Variants in PICK1 observed in about 807,000 individuals in gnomAD.
PICK1 encodes PRKCA-binding protein.
A neutral mutation model predicts 48.9 loss-of-function variants in PICK1; 23 were observed. That is an observed-to-expected ratio of 0.47 (90% CI 0.34 to 0.67). The LOEUF is 0.67. Among genes scored for constraint, PICK1 ranks in the 30% least tolerant of loss-of-function variants. The pLI is 0.01. For missense variants in PICK1, 423 were observed against 557.1 expected, an observed-to-expected ratio of 0.76 and a Z score of 2.42; for synonymous variants, 217 against 228.2, an observed-to-expected ratio of 0.95 and a Z score of 0.44.
At position 38,074,817 on chromosome 22, in the gene PICK1, A is replaced by G; in HGVS notation, c.980-47A>G. The G allele has an allele frequency of 6.2e-7, 1 of 1,601,386 alleles. No homozygotes were observed. Among genetic ancestry groups the G allele is most frequent in the Admixed American group, 1.7e-5 (1 of 59,970 alleles). On this transcript the variant is annotated intron_variant, in intron 12 of 12. Coordinates refer to ENST00000356976, the MANE Select transcript of PICK1 (RefSeq NM_012407.4). This position sits in a 1 kb window ranked among gnomAD's most constrained non-coding sequence, Gnocchi z 4.5. Reference sequence around the variant, plus strand: ...GCTGGGAGAGTCTCCTCCCTGAGGCAGGCAGCCAGAGCCCACTGCAGCCTG... The same window carrying G: ...GCTGGGAGAGTCTCCTCCCTGAGGCGGGCAGCCAGAGCCCACTGCAGCCTG...
At chr22:38,068,397 TGC>T (rs1226113602) in intron 5 of PICK1, among the ~76,000 whole-genome samples, 2 of 152,198 alleles carry the variant, frequency 1.3e-5, no homozygotes, top group African/African-American at 4.8e-5. Flanking sequence ...GAGAGGGCGC[TGC>T]AGCCCCTGGT....
chr22:38,062,800 T>C (rs532027372), intron 3 of PICK1, among the ~76,000 whole-genome samples: 1 of 152,328 alleles, frequency 6.6e-6, no homozygotes, highest in East Asian at 1.9e-4. Flanking sequence ...TTTGGCTCAT[T>C]CGATTCAAGA....
In PICK1 at chr22:38,066,521, C is replaced by T. The variant is rs2085528915; in HGVS notation, c.283-1183C>T. On this transcript the variant is annotated intron_variant, in intron 4 of 12. Coordinates refer to ENST00000356976, the MANE Select transcript of PICK1 (RefSeq NM_012407.4). This position sits in a 1 kb window ranked among gnomAD's most constrained non-coding sequence, Gnocchi z 4.1. The stretch of plus-strand genomic sequence containing the variant: ...GGGTGCTGGGCAGGGATTACTCTCC[C>T]ATCTTACAGGTGTCCACAGGCGGGG... Among the ~76,000 whole-genome samples, 1 of 152,202 alleles carries T rather than the reference C, an allele frequency of 6.6e-6. No individual in the cohort carries two copies. Among genetic ancestry groups the T allele is most frequent in the Non-Finnish European group, 1.5e-5 (1 of 68,046 alleles).
At chr22:38,068,957 G>A (rs1601950387) in intron 5 of PICK1, 76 bp from the exon 6 acceptor site, 2 of 1,214,750 alleles carry the variant, frequency 1.6e-6, no homozygotes, top group East Asian at 5.0e-5. Context: ...TGCTCCCTGT[G>A]CATGGAGGTA....
chr22:38,072,656 A>C (rs1490738161), intron 9 of PICK1, 46 bp downstream of exon 9: 1 of 1,607,464 alleles, frequency 6.2e-7, no homozygotes, highest in Admixed American at 1.7e-5. Flanking sequence ...GAGGGTGGGG[A>C]GGGGAGAGTG....
intron 5 of PICK1, among the ~76,000 whole-genome samples, chr22:38,068,389 G>T (rs1450067010): frequency 1.3e-5 from 2 of 152,210 alleles, no homozygotes; most frequent in Admixed American, 1.3e-4. Context: ...GAGACCCAGA[G>T]AGGGCGCTGC....
At position 38,065,072 on chromosome 22, in the gene PICK1, G is replaced by A; in HGVS notation, c.224G>A (p.Gly75Asp). ...AAGDEITGVN[G>D]RSIKGKTKVE... is the part of the protein sequence containing the mutation. ...GGCGATGAGATCACCGGTGTCAATG[G>A]CAGGTCAATCAAAGGGAAAACTAAG... The change falls in exon 4 of 13, where the codon GGC (glycine) becomes GAC (aspartate). Residue 75 changes from glycine to aspartate, a missense_variant. This residue lies in a region of PICK1 where 279 missense variants were observed against 417.8 expected (regional missense o/e 0.67). Coordinates refer to ENST00000356976, the MANE Select transcript of PICK1 (RefSeq NM_012407.4). 1 of 1,614,118 alleles carries A rather than the reference G, an allele frequency of 6.2e-7. No homozygotes were observed.
intron 5 of PICK1, chr22:38,068,238 G>A: frequency 2.4e-6 from 1 of 416,262 alleles, no homozygotes; most frequent in Non-Finnish European, 4.9e-6. Flanking sequence ...TCAGGCATTG[G>A]GCAGAGGGTC....
At chr22:38,068,216 C>G (rs2085579939) in intron 5 of PICK1, 1 of 439,234 alleles carries the variant, frequency 2.3e-6, no homozygotes, top group Non-Finnish European at 4.6e-6. Context: ...GACTCTGGAT[C>G]TGAACTGGAC....
At chr22:38,059,541 C>T (rs1333603837) in intron 3 of PICK1, among the ~76,000 whole-genome samples, 196 bp downstream of exon 3, 4 of 152,140 alleles carry the variant, frequency 2.6e-5, no homozygotes, top group Non-Finnish European at 4.4e-5. Flanking sequence ...TTTTCCTTCT[C>T]GGCACTTATT....
At chr22:38,059,885 A>G (rs1376027572) in intron 3 of PICK1, among the ~76,000 whole-genome samples, 2 of 152,210 alleles carry the variant, frequency 1.3e-5, no homozygotes, top group African/African-American at 4.8e-5. Context: ...TTCTTGTGAG[A>G]AGTCAACAAA....
Position 38,075,026 on chromosome 22 carries a change from GGGAGGA to G in PICK1, c.1158_1163del (p.Glu387_Glu388del), listed in dbSNP as rs761247405. ...CTCAACCAGGAGGAGTTCACAGATGGGGAGGAGGAGGAGGAGGAGGAAGACACGGCA... is the reference window on the plus strand; with the variant it reads ...CTCAACCAGGAGGAGTTCACAGATGGGGAGGAGGAGGAGGAAGACACGGCA... On this transcript the variant is annotated inframe_deletion, in exon 13 of 13. Coordinates refer to ENST00000356976, the MANE Select transcript of PICK1 (RefSeq NM_012407.4). The G allele has an allele frequency of 4.3e-5, 69 of 1,612,758 alleles. No individual in the cohort carries two copies. Among genetic ancestry groups the G allele is most frequent in the East Asian group, 6.7e-5 (3 of 44,780 alleles).
chr22:38,072,652 G>C (rs1194990471), intron 9 of PICK1, 42 bp downstream of exon 9: 2 of 1,608,440 alleles, frequency 1.2e-6, no homozygotes, highest in African/African-American at 2.7e-5. Context: ...GTGTGAGGGT[G>C]GGGAGGGGAG....
At chr22:38,072,389 G>A in intron 8 of PICK1, 88 bp from the exon 9 acceptor site, 2 of 1,509,542 alleles carry the variant, frequency 1.3e-6, no homozygotes, top group South Asian at 2.4e-5. Context: ...AGCCTGCCAG[G>A]CCCCCTGCCC....
intron 4 of PICK1, among the ~76,000 whole-genome samples, chr22:38,067,226 G>A (rs1185115636): frequency 6.6e-6 from 1 of 152,102 alleles, no homozygotes; most frequent in African/African-American, 2.4e-5. Context: ...GAGTAGGAAG[G>A]GAGGGGCCTG....
At chr22:38,071,638 C>T in intron 7 of PICK1, 44 bp from the exon 8 acceptor site, 6 of 1,575,440 alleles carry the variant, frequency 3.8e-6, no homozygotes, top group Non-Finnish European at 5.2e-6. Flanking sequence ...CAGTGTGGTC[C>T]CCGCCATGCG....
intron 3 of PICK1, among the ~76,000 whole-genome samples, chr22:38,061,645 A>G (rs1460245838): frequency 2.0e-5 from 3 of 152,146 alleles, no homozygotes; most frequent in Non-Finnish European, 4.4e-5. Flanking sequence ...TGAGCCTCCA[A>G]GTAGCTGGGA....
rs369695657 is a variant in PICK1 at position 38,073,101 on chromosome 22, T to A, written c.783+9T>A. The stretch of plus-strand genomic sequence containing the variant: ...TGAAGTTTGAGTACCTGGTGAGTAG[T>A]CCAGGTGCCCAGGCTGCTAGGGCAA... On this transcript the variant is annotated intron_variant, in intron 10 of 12. Transcript: ENST00000356976. The surrounding 1 kb of genome is among the most constrained non-coding windows in gnomAD (Gnocchi z 5.7). The A allele has an allele frequency of 4.5e-6, 7 of 1,568,194 alleles. No individual in the cohort carries two copies. The highest frequency in any genetic ancestry group is 1.1e-5 in the South Asian group (1 of 90,118).
At chr22:38,058,377 C>G (rs893128718) in intron 2 of PICK1, among the ~76,000 whole-genome samples, 1 of 151,984 alleles carries the variant, frequency 6.6e-6, no homozygotes, top group African/African-American at 2.4e-5. Context: ...GAGTACTTAT[C>G]ATAAAACACC....
Sources: allele counts gnomAD v4.1 joint callset (sites outside exome capture counted in the v4.1 genomes callset), GRCh38; gene constraint gnomAD v4.1.1; regional missense constraint gnomAD v4.1.1; non-coding constraint Gnocchi (gnomAD v3.1); transcripts MANE v1.5; gene names NCBI Gene and HGNC (gene_info 2026-07-23, HGNC 2026-07-21).